The following PKIB variants were observed in gnomAD, a reference collection of about 807,000 sequenced individuals.
PKIB encodes PKI-beta.
A neutral mutation model predicts 4.5 loss-of-function variants in PKIB; 2 were observed. The observed-to-expected ratio is 0.44, with a 90% CI of 0.18 to 1.39. The LOEUF (loss-of-function observed/expected upper bound fraction) is 1.39. Ranked by LOEUF, PKIB falls within the 40% of genes most tolerant of loss-of-function variation. The pLI is 0.27. For synonymous variants in PKIB, 38 were observed against 36.0 expected (o/e 1.06, Z -0.20); for missense variants, 94 against 92.6 (o/e 1.02, Z -0.06).
At chr6:122,598,668 C>A (rs1180702658) in intron 3 of PKIB, among the ~76,000 whole-genome samples, 1 of 152,186 alleles carries the variant, frequency 6.6e-6, no homozygotes, top group Non-Finnish European at 1.5e-5. Flanking sequence ...TAATCCACTC[C>A]ACCATCCCAA....
intron 3 of PKIB, among the ~76,000 whole-genome samples, chr6:122,691,887 A>G (rs1049306311): frequency 6.6e-6 from 1 of 152,148 alleles, no homozygotes; most frequent in African/African-American, 2.4e-5. Flanking sequence ...GATCTAAGGC[A>G]TATCTGCATT....
intron 3 of PKIB, among the ~76,000 whole-genome samples, chr6:122,697,044 A>C (rs937604909): frequency 1.3e-5 from 2 of 152,148 alleles, no homozygotes; most frequent in African/African-American, 4.8e-5. Flanking sequence ...GACATGGCAC[A>C]CCTTGCAGGG....
At chr6:122,573,820 G>A (rs1186073000) in intron 2 of PKIB, among the ~76,000 whole-genome samples, 3 of 152,150 alleles carry the variant, frequency 2.0e-5, no homozygotes, top group Non-Finnish European at 4.4e-5. Context: ...ACATCATACT[G>A]AATGGGAAAA....
chr6:122,662,037 A>G (rs1400334072), intron 2 of PKIB, among the ~76,000 whole-genome samples: 1 of 152,032 alleles, frequency 6.6e-6, no homozygotes, highest in Non-Finnish European at 1.5e-5. Flanking sequence ...CATATTCTAA[A>G]TTGGGTTATT....
upstream of PKIB, chr6:122,610,252 G>C (rs1774690777): frequency 6.6e-6 from 1 of 152,258 alleles, no homozygotes; most frequent in Non-Finnish European, 1.5e-5. Context: ...ACCGTGGCAC[G>C]TGCCCCGGGG....
At chr6:122,606,860 C>T (rs556640033), upstream of PKIB, among the ~76,000 whole-genome samples, 33 of 152,060 alleles carry the variant, frequency 2.2e-4, no homozygotes, top group African/African-American at 7.5e-4. Flanking sequence ...AAAACTAGAT[C>T]TCACTTGAAA....
chr6:122,566,994 A>G (rs971087096), intron 2 of PKIB, among the ~76,000 whole-genome samples: 2 of 152,148 alleles, frequency 1.3e-5, no homozygotes, highest in African/African-American at 4.8e-5. Flanking sequence ...CTCGATATAC[A>G]GTGTCAAATG....
chr6:122,486,767 A>G (rs1483250860), intron 2 of PKIB, among the ~76,000 whole-genome samples: 1 of 152,172 alleles, frequency 6.6e-6, no homozygotes, highest in Non-Finnish European at 1.5e-5. Context: ...AATCTGCACC[A>G]TGACATTTTT....
At chr6:122,677,449 A>G (rs551353038) in intron 3 of PKIB, among the ~76,000 whole-genome samples, 31 of 152,244 alleles carry the variant, frequency 2.0e-4, no homozygotes, top group African/African-American at 6.5e-4. Context: ...CTTACCATAT[A>G]TGGATGAGGG....
chr6:122,516,511 A>G (rs1020207369), intron 2 of PKIB, among the ~76,000 whole-genome samples: 3 of 152,300 alleles, frequency 2.0e-5, no homozygotes, highest in South Asian at 4.1e-4. Flanking sequence ...TGGGTAATCA[A>G]TATGTTCTCC....
intron 2 of PKIB, chr6:122,483,091 G>A (rs138209238): frequency 6.6e-6 from 1 of 152,234 alleles, no homozygotes; most frequent in East Asian, 1.9e-4. Context: ...TAATAAACCA[G>A]AACGTGGAGA....
chr6:122,481,703 T>C (rs1775614746), intron 2 of PKIB: 1 of 152,166 alleles, frequency 6.6e-6, no homozygotes, highest in African/African-American at 2.4e-5. Flanking sequence ...TACACACACA[T>C]TGTGTAAAGT....
intron 2 of PKIB, among the ~76,000 whole-genome samples, chr6:122,585,079 G>A (rs1389100920): frequency 6.6e-6 from 1 of 152,000 alleles, no homozygotes; most frequent in East Asian, 1.9e-4. Flanking sequence ...TATGACTGCA[G>A]GACTGCCTCT....
chr6:122,500,641 C>T (rs988400342), intron 2 of PKIB, among the ~76,000 whole-genome samples: 2 of 152,140 alleles, frequency 1.3e-5, no homozygotes, highest in Admixed American at 6.5e-5. Flanking sequence ...TCCTAGAAAA[C>T]AAGTAGGCAT....
intron 3 of PKIB, among the ~76,000 whole-genome samples, chr6:122,711,433 T>C (rs376446095): frequency 5.3e-5 from 8 of 152,200 alleles, no homozygotes; most frequent in East Asian, 1.9e-4. Flanking sequence ...GTCTGGACTA[T>C]ATCATCTTTT....
rs369922332 is a variant in PKIB at position 122,684,482 on chromosome 6, C to T, written c.-9+9338C>T. Reference sequence around the variant, plus strand: ...ACATCTCCCCCAAACAGAGGCTGGGCCTTTTACCTTTACAAATCACACCAC... The same window carrying T: ...ACATCTCCCCCAAACAGAGGCTGGGTCTTTTACCTTTACAAATCACACCAC... On this transcript the variant is annotated intron_variant, in intron 3 of 4. Transcript: ENST00000368452. Among the ~76,000 whole-genome samples the T allele has an allele frequency of 5.5e-4, 83 of 152,236 alleles. 2 individuals carry two copies. The South Asian group carries it at 0.012, about 22-fold the overall frequency.
intron 2 of PKIB, among the ~76,000 whole-genome samples, chr6:122,523,776 C>T (rs1424425259): frequency 1.3e-5 from 2 of 151,054 alleles, no homozygotes; most frequent in Admixed American, 6.6e-5. Context: ...CAGTGAAACT[C>T]GGTATCAAGA....
At chr6:122,576,682 AAAAAAAAATAT>A (rs1302308285) in intron 2 of PKIB, among the ~76,000 whole-genome samples, 1 of 48,456 alleles carries the variant, frequency 2.1e-5, no homozygotes, top group Non-Finnish European at 3.8e-5. Context: ...AAAAAAAAAA[AAAAAAAAATAT>A]ATATATATAT....
intron 2 of PKIB, chr6:122,479,314 T>G (rs1775537222): frequency 6.6e-6 from 1 of 152,112 alleles, no homozygotes; most frequent in African/African-American, 2.4e-5. Flanking sequence ...CTTAATATCT[T>G]AATCCTGCCC....
Sources: gnomAD v4.1 joint callset for allele counts (sites outside exome capture counted in the v4.1 genomes callset) on GRCh38, gnomAD v4.1.1 for gene constraint, MANE v1.5 for transcripts, NCBI Gene and HGNC (gene_info 2026-07-23, HGNC 2026-07-21) for gene names.